The following JAM2 variants were observed in gnomAD, a reference collection of about 807,000 sequenced individuals.
JAM2 encodes the protein junctional adhesion molecule 2, also known as junctional adhesion molecule B.
A neutral mutation model predicts 42.0 loss-of-function variants in JAM2; 17 were observed. That is an observed-to-expected ratio of 0.40 (90% CI 0.28 to 0.61). The LOEUF (loss-of-function observed/expected upper bound fraction) is 0.61, where lower values mean the gene tolerates loss of function less well. Among genes scored for constraint, JAM2 ranks in the 20% least tolerant of loss-of-function variants. The pLI is 0.37. For missense variants in JAM2, 319 were observed against 358.3 expected (o/e 0.89, Z 0.89); for synonymous variants, 118 against 128.6 (o/e 0.92, Z 0.56).
chr21:25,695,981 G>A (rs900284375), intron 4 of JAM2, among the ~76,000 whole-genome samples: 5 of 152,296 alleles, frequency 3.3e-5, no homozygotes, highest in Admixed American at 2.6e-4. Context: ...CTTCCCAGAC[G>A]GGGTGGCGGC....
intron 1 of JAM2, among the ~76,000 whole-genome samples, chr21:25,680,157 C>CT (rs1223556758): frequency 1.3e-5 from 2 of 152,318 alleles, no homozygotes; most frequent in Non-Finnish European, 2.9e-5. Flanking sequence ...TCTCTGTACT[C>CT]TAAGTCTGGA....
intron 1 of JAM2, among the ~76,000 whole-genome samples, chr21:25,680,019 C>A (rs2033591814): frequency 6.6e-6 from 1 of 152,104 alleles, no homozygotes. Flanking sequence ...CAAATGGTAC[C>A]CTGCCACAGA....
At chr21:25,699,771 T>A (rs1310800948) in intron 5 of JAM2, among the ~76,000 whole-genome samples, 2 of 145,524 alleles carry the variant, frequency 1.4e-5, no homozygotes, top group Non-Finnish European at 3.0e-5. Flanking sequence ...GCTGCCTTCT[T>A]AAGTAACAGT....
chr21:25,655,691 T>TC (rs11450103), intron 1 of JAM2, among the ~76,000 whole-genome samples: 14,784 of 137,170 alleles, frequency 0.11, 1,966 homozygotes, highest in African/African-American at 0.31. Context: ...AGACGGGGTT[T>TC]CACCCTGTTG....
At chr21:25,679,657 G>T (rs1163833298) in intron 1 of JAM2, among the ~76,000 whole-genome samples, 1 of 152,182 alleles carries the variant, frequency 6.6e-6, no homozygotes, top group Non-Finnish European at 1.5e-5. Flanking sequence ...CCTCCCCTCT[G>T]GGGTTACGTT....
At chr21:25,709,855 C>A in intron 8 of JAM2, 1 of 161,634 alleles carries the variant, frequency 6.2e-6, no homozygotes, top group Non-Finnish European at 1.4e-5. Flanking sequence ...CAAGAAAACT[C>A]AGTCACTATT....
At chr21:25,690,600 G>A (rs768231148) in intron 3 of JAM2, among the ~76,000 whole-genome samples, 3 of 151,676 alleles carry the variant, frequency 2.0e-5, no homozygotes, top group Admixed American at 6.6e-5. Context: ...CTCCTGCCTC[G>A]GTCTCCAAAA....
chr21:25,642,986 G>A (rs142079826), intron 1 of JAM2, among the ~76,000 whole-genome samples: 1 of 152,316 alleles, frequency 6.6e-6, no homozygotes, highest in Non-Finnish European at 1.5e-5. Flanking sequence ...CTCCCATGGC[G>A]GAAGAAGCAA....
chr21:25,710,484 A>C (rs1198810563), intron 8 of JAM2, among the ~76,000 whole-genome samples: 4 of 152,222 alleles, frequency 2.6e-5, no homozygotes, highest in Non-Finnish European at 1.5e-5. Flanking sequence ...TCTAATTTCA[A>C]ATAGGGTGGT....
At chr21:25,713,484 C>T (rs1039409374) in intron 9 of JAM2, among the ~76,000 whole-genome samples, 9 of 126,428 alleles carry the variant, frequency 7.1e-5, no homozygotes, top group African/African-American at 2.4e-4. Flanking sequence ...TCTTGAGAAA[C>T]AAAGCATGGG....
intron 4 of JAM2, among the ~76,000 whole-genome samples, chr21:25,694,775 G>A (rs1025239408): frequency 3.3e-5 from 5 of 151,928 alleles, no homozygotes; most frequent in African/African-American, 9.7e-5. Context: ...AGGAGTTCAA[G>A]GCTGCAATGA....
At chr21:25,700,463 T>A (rs1280838958) in intron 5 of JAM2, among the ~76,000 whole-genome samples, 4 of 152,132 alleles carry the variant, frequency 2.6e-5, no homozygotes, top group Non-Finnish European at 4.4e-5. Context: ...TAGGTTCAAG[T>A]AATTCTCCTG....
At chr21:25,708,709 C>G (rs948569613) in intron 7 of JAM2, among the ~76,000 whole-genome samples, 2 of 152,132 alleles carry the variant, frequency 1.3e-5, no homozygotes, top group African/African-American at 4.8e-5. Flanking sequence ...AATAAGATAA[C>G]TCTTCCAAAA....
intron 4 of JAM2, among the ~76,000 whole-genome samples, chr21:25,695,889 T>C (rs560094514): frequency 6.7e-5 from 10 of 148,850 alleles, no homozygotes; most frequent in African/African-American, 2.5e-4. Flanking sequence ...GAAGAGGCGC[T>C]CCTCACTTCC....
intron 1 of JAM2, among the ~76,000 whole-genome samples, chr21:25,672,921 A>G (rs948045296): frequency 6.6e-6 from 1 of 152,234 alleles, no homozygotes; most frequent in African/African-American, 2.4e-5. Context: ...TCCACTGAGT[A>G]TGTGGCTCTT....
chr21:25,691,035 C>T (rs1337000021), intron 3 of JAM2, among the ~76,000 whole-genome samples: 1 of 152,170 alleles, frequency 6.6e-6, no homozygotes, highest in Non-Finnish European at 1.5e-5. Context: ...GTCAATGATA[C>T]ATTGAGGTAC....
At chr21:25,701,816 T>C (rs955597466) in intron 5 of JAM2, among the ~76,000 whole-genome samples, 1 of 152,126 alleles carries the variant, frequency 6.6e-6, no homozygotes, top group Non-Finnish European at 1.5e-5. Flanking sequence ...CCTTCATTTA[T>C]AAATGATGTT....
chr21:25,672,680 T>C (rs766026842), intron 1 of JAM2, among the ~76,000 whole-genome samples: 4 of 152,198 alleles, frequency 2.6e-5, no homozygotes, highest in Non-Finnish European at 4.4e-5. Context: ...CCATCTCTGC[T>C]GTAGAGGTGC....
chr21:25,639,935 C>T (rs1450695920), intron 1 of JAM2, 47 bp downstream of exon 1: 2 of 1,362,486 alleles, frequency 1.5e-6, no homozygotes, highest in Admixed American at 2.0e-5. Context: ...ACCAGCCTGC[C>T]CCCACCCTCC....
Sources: allele counts gnomAD v4.1 joint callset (sites outside exome capture counted in the v4.1 genomes callset), GRCh38; gene constraint gnomAD v4.1.1; transcripts MANE v1.5; gene names NCBI Gene and HGNC (gene_info 2026-07-23, HGNC 2026-07-21).